Variants in TSGA10 observed in about 807,000 individuals in gnomAD.
The protein encoded by TSGA10 is testis specific 10.
A neutral mutation model predicts 96.6 loss-of-function variants in TSGA10; 43 were observed. The observed-to-expected ratio is 0.44, with a 90% CI of 0.35 to 0.57. The LOEUF is 0.57. Ranked by LOEUF, TSGA10 falls within the 20% of genes least tolerant of loss-of-function variation. The pLI is 0.01. For synonymous variants in TSGA10, 229 were observed against 269.9 expected (o/e 0.85, Z 1.48); for missense variants, 703 against 834.4 (o/e 0.84, Z 1.94).
chr2:99,139,885 G>A (rs1301593944), intron 1 of TSGA10, among the ~76,000 whole-genome samples: 1 of 152,130 alleles, frequency 6.6e-6, no homozygotes, highest in Non-Finnish European at 1.5e-5. Context: ...CTATCTCTGG[G>A]GAGGGAAAGA....
At chr2:99,136,672 G>A (rs1472541515) in intron 1 of TSGA10, among the ~76,000 whole-genome samples, 1 of 68,196 alleles carries the variant, frequency 1.5e-5, no homozygotes, top group Non-Finnish European at 3.6e-5. Flanking sequence ...AGTGGCGGGC[G>A]CCTGTAGTCC....
rs1403587979 is a variant in TSGA10 at position 99,108,948 on chromosome 2, T to C, written c.95A>G (p.Asp32Gly). The C allele has an allele frequency of 6.2e-7, 1 of 1,601,766 alleles. No individual in the cohort carries two copies. The highest frequency in any genetic ancestry group is 8.5e-7 in the Non-Finnish European group (1 of 1,176,524). Reference protein sequence around the residue: ...DVELLKTTTRDREELKCMLEK... With the variant: ...DVELLKTTTRGREELKCMLEK... ...CAGCATGCATTTAAGTTCTTCACGA[T>C]CTCTTGTTGTTGTCTTCAAAAGTTC... Residue 32 changes from aspartate (D) to glycine (G), a missense_variant, in exon 7 of 21, where the codon GAT (aspartate) becomes GGT (glycine). By Grantham distance (94) the Asp-to-Gly change is moderately conservative (BLOSUM62 -1). Coordinates refer to ENST00000393483, the MANE Select transcript of TSGA10 (RefSeq NM_025244.4).
At chr2:99,053,083 T>C (rs1158489599) in intron 16 of TSGA10, among the ~76,000 whole-genome samples, 7 of 151,658 alleles carry the variant, frequency 4.6e-5, no homozygotes, top group African/African-American at 1.5e-4. Context: ...AAATAAATAG[T>C]GTATTCCTGA....
intron 1 of TSGA10, among the ~76,000 whole-genome samples, chr2:99,149,548 T>G (rs2093668804): frequency 6.7e-6 from 1 of 149,668 alleles, no homozygotes; most frequent in Non-Finnish European, 1.5e-5. Context: ...GTTCACACCA[T>G]TCTTCTGCCT....
chr2:99,061,533 T>C (rs1448660568), intron 16 of TSGA10, among the ~76,000 whole-genome samples: 1 of 152,238 alleles, frequency 6.6e-6, no homozygotes, highest in Non-Finnish European at 1.5e-5. Flanking sequence ...CTGTTGACTA[T>C]AGTCACCCTG....
intron 1 of TSGA10, chr2:99,141,149 T>C (rs1365279411): frequency 2.4e-6 from 3 of 1,270,538 alleles, no homozygotes; most frequent in Non-Finnish European, 3.1e-6. Flanking sequence ...TCCCCGCGAC[T>C]GTCAGCTCTC....
At chr2:99,133,066 T>C (rs771913591) in intron 1 of TSGA10, among the ~76,000 whole-genome samples, 1 of 152,196 alleles carries the variant, frequency 6.6e-6, no homozygotes, top group Non-Finnish European at 1.5e-5. Flanking sequence ...GTATATTCTG[T>C]TGAGTTGGGG....
intron 1 of TSGA10, among the ~76,000 whole-genome samples, chr2:99,148,726 CT>C (rs2093657342): frequency 6.6e-6 from 1 of 152,136 alleles, no homozygotes; most frequent in South Asian, 2.1e-4. Context: ...AATCCTAGCA[CT>C]TTGGGAGCTG....
At position 99,092,572 on chromosome 2, in the gene TSGA10, T is replaced by C. The variant is rs2089485005; in HGVS notation, c.612-11175A>G. ...GACAGAAGATACAAATAAGCTCAAT[T>C]AGAAATGAAATGGGAGATATTACAA... On this transcript the variant is annotated intron_variant, in intron 10 of 20. Coordinates refer to ENST00000393483, the MANE Select transcript of TSGA10 (RefSeq NM_025244.4). Among the ~76,000 whole-genome samples the C allele has an allele frequency of 2.0e-5, 3 of 152,102 alleles. No homozygotes were observed. The South Asian group carries it at 6.2e-4, about 32-fold the overall frequency.
intron 9 of TSGA10, 42 bp downstream of exon 9, chr2:99,105,317 T>C (rs1188503153): frequency 6.6e-7 from 1 of 1,514,382 alleles, no homozygotes; most frequent in Non-Finnish European, 8.9e-7. Flanking sequence ...AGCCATTGAG[T>C]GTTTATAGCC....
chr2:99,078,047 G>C (rs1476991387), intron 12 of TSGA10, among the ~76,000 whole-genome samples: 1 of 151,092 alleles, frequency 6.6e-6, no homozygotes, highest in Non-Finnish European at 1.5e-5. Flanking sequence ...TGAGGTGGGC[G>C]GATCACGAGG....
chr2:99,109,037 T>G (rs369348415), intron 6 of TSGA10, 46 bp from the exon 7 acceptor site: 4 of 1,393,896 alleles, frequency 2.9e-6, no homozygotes, highest in Middle Eastern at 1.9e-4. Context: ...TATATAGTAC[T>G]GATAGAAAGG....
intron 10 of TSGA10, among the ~76,000 whole-genome samples, chr2:99,094,114 T>C (rs1419001825): frequency 1.3e-5 from 2 of 152,172 alleles, no homozygotes; most frequent in Non-Finnish European, 2.9e-5. Context: ...TAAAGCCAAC[T>C]GATCTTCGAC....
intron 12 of TSGA10, among the ~76,000 whole-genome samples, chr2:99,073,455 T>C (rs2086221218): frequency 1.3e-5 from 2 of 152,204 alleles, no homozygotes; most frequent in Admixed American, 6.5e-5. Context: ...ACTGGTTCTC[T>C]TGCTCACATT....
intron 20 of TSGA10, 132 bp from the exon 21 acceptor site, chr2:98,998,353 A>T: frequency 1.4e-6 from 1 of 697,684 alleles, no homozygotes; most frequent in Non-Finnish European, 2.4e-6. Context: ...AAGGAAAACA[A>T]AAAACAATAT....
At chr2:99,075,280 T>C (rs1574084012) in intron 12 of TSGA10, among the ~76,000 whole-genome samples, 1 of 152,312 alleles carries the variant, frequency 6.6e-6, no homozygotes, top group Non-Finnish European at 1.5e-5. Flanking sequence ...TTCAACCTCA[T>C]ATGTTGTCCA....
intron 12 of TSGA10, among the ~76,000 whole-genome samples, chr2:99,073,766 C>G (rs912290224): frequency 6.6e-6 from 1 of 152,012 alleles, no homozygotes; most frequent in African/African-American, 2.4e-5. Context: ...ATCTTAATGC[C>G]TTTAATACCA....
chr2:99,005,825 G>A (rs1335407200), intron 20 of TSGA10, among the ~76,000 whole-genome samples: 3 of 152,076 alleles, frequency 2.0e-5, no homozygotes, highest in African/African-American at 7.2e-5. Context: ...AAAAGAGCCC[G>A]CATTGCCAAG....
intron 17 of TSGA10, among the ~76,000 whole-genome samples, chr2:99,033,832 G>A (rs981767064): frequency 1.6e-4 from 25 of 151,644 alleles, no homozygotes; most frequent in African/African-American, 5.6e-4. Context: ...AGAGCGAAAC[G>A]AAACAAAACA....
Sources: gnomAD v4.1 joint callset for allele counts (sites outside exome capture counted in the v4.1 genomes callset) on GRCh38, gnomAD v4.1.1 for gene constraint, MANE v1.5 for transcripts, NCBI Gene and HGNC (gene_info 2026-07-23, HGNC 2026-07-21) for gene names.